PRKDC: variants seen among roughly 807,000 people sequenced by gnomAD.
PRKDC encodes the protein protein kinase, DNA-activated, catalytic subunit.
A neutral mutation model predicts 486.9 loss-of-function variants in PRKDC; 82 were observed. The ratio of observed to expected loss-of-function variants is 0.17; its 90% CI spans 0.14 to 0.20. The LOEUF (loss-of-function observed/expected upper bound fraction) is 0.20, where lower values mean the gene tolerates loss of function less well. PRKDC is among the 10% of genes least tolerant of loss of function. The pLI, the probability that PRKDC is intolerant of heterozygous loss-of-function variation, is 1.00. For missense variants in PRKDC, 4,504 were observed against 5,038.2 expected (o/e 0.89, Z 3.21); for synonymous variants, 1,895 against 1,837.0 (o/e 1.03, Z -0.81).
At chr8:47,946,943 T>C (rs2154504303) in intron 7 of PRKDC, among the ~76,000 whole-genome samples, 1 of 152,168 alleles carries the variant, frequency 6.6e-6, no homozygotes, top group Admixed American at 6.5e-5. Flanking sequence ...CTGTGAAACA[T>C]CTCTTGGCCC....
intron 40 of PRKDC, among the ~76,000 whole-genome samples, chr8:47,875,936 T>C (rs1229295562): frequency 6.6e-6 from 1 of 152,172 alleles, no homozygotes; most frequent in Non-Finnish European, 1.5e-5. Flanking sequence ...AAAATATCAG[T>C]AGAAAGGAAT....
At chr8:47,957,036 G>T in intron 3 of PRKDC, 135 bp downstream of exon 3, 153 of 364,740 alleles carry the variant, frequency 4.2e-4, no homozygotes, top group Middle Eastern at 1.8e-3. Context: ...GTAACACAAT[G>T]AAGCAGAAAT....
chr8:47,839,395 T>C (rs1194355212), intron 55 of PRKDC, 149 bp from the exon 56 acceptor site: 3 of 649,174 alleles, frequency 4.6e-6, no homozygotes, highest in Admixed American at 4.7e-5. Context: ...GCCCCACTCA[T>C]GGGTGTGTGC....
chr8:47,896,362 C>T (rs976448327), intron 30 of PRKDC, among the ~76,000 whole-genome samples: 1 of 151,938 alleles, frequency 6.6e-6, no homozygotes, highest in Admixed American at 6.6e-5. Flanking sequence ...AGAACTCCAC[C>T]CCAGGCCAGG....
Position 47,957,155 on chromosome 8 carries a change from G to A in PRKDC, c.324+16C>T. 1 of 1,504,154 alleles carries A rather than the reference G, an allele frequency of 6.6e-7. No individual in the cohort carries two copies. The allele number at this position is 1,504,154 out of a possible 1,614,324, so 93.2% of individuals were successfully genotyped here. A position where few individuals can be genotyped will look rare whatever the true frequency, so the allele number is the denominator to read the frequency against. On this transcript the variant is annotated intron_variant, in intron 3 of 85. Transcript: ENST00000314191. ...GTTGATATATAATGTAATAAGGTATGTTTTTTAATTCTTACCTTAATTTCA... is the reference window on the plus strand; with the variant it reads ...GTTGATATATAATGTAATAAGGTATATTTTTTAATTCTTACCTTAATTTCA...
rs1202269156 is a variant in PRKDC, at chr8:47,857,164, T to C, written c.6601A>G (p.Thr2201Ala). 19 of 1,612,406 alleles carry C rather than the reference T, an allele frequency of 1.2e-5. No individual in the cohort carries two copies. The highest frequency in any genetic ancestry group is 1.6e-5 in the Non-Finnish European group (19 of 1,179,344). Reference protein sequence around the residue: ...ATILSWTGLATPTGVPKDEVL... With the variant: ...ATILSWTGLAAPTGVPKDEVL... ...GATGCATCAATCCTTACTGTTGGAGTGGCCAAGCCTGTCCATGAAAGAATA... is the reference window on the plus strand; with the variant it reads ...GATGCATCAATCCTTACTGTTGGAGCGGCCAAGCCTGTCCATGAAAGAATA... The change falls in exon 49 of 86, where the codon ACT becomes GCT. Residue 2201 changes from threonine to alanine, a missense_variant. Transcript: ENST00000314191.
At position 47,798,437 on chromosome 8, in the gene PRKDC, T is replaced by C. The variant is rs1478204315; in HGVS notation, c.10298-40A>G. 2.6e-6 allele frequency: 4 copies of C among 1,515,780 alleles called. No individual in the cohort carries two copies. In the South Asian group the frequency reaches 4.0e-5, roughly 15 times the overall value. 93.9% of individuals were successfully genotyped at this position (1,515,780 alleles called of 1,614,324 possible). On this transcript the variant is annotated intron_variant, in intron 72 of 85. Coordinates refer to ENST00000314191, the MANE Select transcript of PRKDC (RefSeq NM_006904.7). ...AAAGAAGAAAGCAATGGTCAATGTA[T>C]CCCAATATCCATAAACTATGATGTT...
chr8:47,905,680 T>C (rs2089767730), intron 25 of PRKDC, among the ~76,000 whole-genome samples: 1 of 151,990 alleles, frequency 6.6e-6, no homozygotes, highest in African/African-American at 2.4e-5. Flanking sequence ...ATTTAATCTG[T>C]TTATATACAG....
chr8:47,935,521 TATTAAA>T (rs768775832), intron 13 of PRKDC, among the ~76,000 whole-genome samples: 24 of 151,824 alleles, frequency 1.6e-4, no homozygotes, highest in South Asian at 1.5e-3. Flanking sequence ...GAAAAAAAAC[TATTAAA>T]ATTAATAGTT....
At chr8:47,795,416 C>T (rs2515631) in intron 73 of PRKDC, among the ~76,000 whole-genome samples, 7,272 of 151,530 alleles carry the variant, frequency 0.048, 199 homozygotes, top group Middle Eastern at 0.068. Context: ...GTCTCAATCT[C>T]GTGACCTCGT....
intron 68 of PRKDC, among the ~76,000 whole-genome samples, chr8:47,811,987 G>A (rs2087338330): frequency 6.6e-6 from 1 of 151,952 alleles, no homozygotes; most frequent in South Asian, 2.1e-4. Flanking sequence ...CAAAAAAAAA[G>A]TATTTCCACC....
rs1589820799 is a variant in PRKDC, at chr8:47,957,407, G to T, written c.179C>A (p.Ser60Tyr). The T allele has an allele frequency of 1.3e-6, 2 of 1,589,532 alleles. No individual in the cohort carries two copies. Among genetic ancestry groups the T allele is most frequent in the South Asian group, 2.3e-5 (2 of 87,420 alleles). ...AAATACAAGCAAACCGAAATCTCTG[G>T]AAAAAACTAAAGATGTCTGTAATGC... Reference protein sequence around the residue: ...VLALQTSLVFSRDFGLLVFVR... With the variant: ...VLALQTSLVFYRDFGLLVFVR... The change falls in exon 2 of 86, where the codon TCC (serine) becomes TAC (tyrosine). Residue 60 changes from serine (S) to tyrosine (Y), a missense_variant. Ser to Tyr is a moderately radical substitution (Grantham distance 144, BLOSUM62 -2). Around this residue, in one of 6 missense-constraint regions of PRKDC, gnomAD observed 145 missense variants for 136.3 expected, o/e 1.06. Coordinates refer to ENST00000314191, the MANE Select transcript of PRKDC (RefSeq NM_006904.7).
intron 22 of PRKDC, 67 bp from the exon 23 acceptor site, chr8:47,915,485 A>G: frequency 5.8e-6 from 6 of 1,028,726 alleles, no homozygotes; most frequent in Non-Finnish European, 8.4e-6. Flanking sequence ...AAGACATAGG[A>G]AAAAACTCTT....
chr8:47,904,838 A>AT (rs760068166), intron 26 of PRKDC, 31 bp downstream of exon 26: 17 of 1,387,222 alleles, frequency 1.2e-5, no homozygotes, highest in Non-Finnish European at 1.2e-5. Flanking sequence ...AATCGATGGG[A>AT]GTAAGAGGAA....
chr8:47,902,549 C>G lies in PRKDC; in HGVS notation c.3269+20G>C. The G allele has an allele frequency of 6.7e-7, 1 of 1,483,298 alleles. No homozygotes were observed. The highest frequency in any genetic ancestry group is 9.0e-7 in the Non-Finnish European group (1 of 1,113,216). The allele number at this position is 1,483,298 out of a possible 1,614,324, so 91.9% of individuals were successfully genotyped here. ...TTTCAAAACCACAAGTTTCTCTTCT[C>G]TGTTGTGTAGCTTACAAACCTGAAT... is the stretch of plus-strand genomic sequence containing the variant. On this transcript the variant is annotated intron_variant, in intron 27 of 85. Transcript: ENST00000314191.
intron 40 of PRKDC, among the ~76,000 whole-genome samples, chr8:47,874,109 A>C (rs532397388): frequency 1.3e-5 from 2 of 149,402 alleles, no homozygotes; most frequent in East Asian, 4.0e-4. Context: ...ACGCCCGGCT[A>C]ATTTTTTTTT....
Position 47,834,880 on chromosome 8 carries a change from C to T in PRKDC, c.7952-484G>A, listed in dbSNP as rs372807689. Reference sequence around the variant, plus strand: ...TAATTTTTTGTATTTTTAGTAGAGACGGGGTTTCACCGTGTTAGCCAGGAT... The same window carrying T: ...TAATTTTTTGTATTTTTAGTAGAGATGGGGTTTCACCGTGTTAGCCAGGAT... On this transcript the variant is annotated intron_variant, in intron 58 of 85. Coordinates refer to ENST00000314191, the MANE Select transcript of PRKDC (RefSeq NM_006904.7). Among the ~76,000 whole-genome samples the T allele has an allele frequency of 5.3e-5, 8 of 151,846 alleles. No homozygotes were observed. In the East Asian group the frequency reaches 5.8e-4, roughly 11 times the overall value.
Position 47,862,412 on chromosome 8 carries a change from T to C in PRKDC, c.5880A>G (p.Lys1960=), listed in dbSNP as rs1165650630. ...CACTAAACAGAAAACCTTGGTAAAA[T>C]TTTAACTCATTGAAGACACAGCAGA... is the stretch of plus-strand genomic sequence containing the variant. ...SVICCVFNEL[K]FYQGFLFSEK... Residue 1960 remains lysine, a synonymous_variant, in exon 43 of 86, where the codon AAA becomes AAG. Transcript: ENST00000314191. 1.9e-6 allele frequency: 3 copies of C among 1,613,970 alleles called. No homozygotes were observed. The highest frequency in any genetic ancestry group is 2.5e-6 in the Non-Finnish European group (3 of 1,179,870).
At chr8:47,863,043 A>ACT (rs575112967) in intron 42 of PRKDC, among the ~76,000 whole-genome samples, 64 of 152,356 alleles carry the variant, frequency 4.2e-4, no homozygotes, top group Non-Finnish European at 7.9e-4. Context: ...AAAAATATTT[A>ACT]CTATGCCTTT....
Sources: allele counts gnomAD v4.1 joint callset (sites outside exome capture counted in the v4.1 genomes callset), GRCh38; gene constraint gnomAD v4.1.1; regional missense constraint gnomAD v4.1.1; transcripts MANE v1.5; gene names NCBI Gene and HGNC (gene_info 2026-07-23, HGNC 2026-07-21).